The following TASP1 variants were observed in gnomAD, a reference collection of about 807,000 sequenced individuals.
The protein encoded by TASP1 is taspase 1.
TASP1 carries 16 observed loss-of-function variants against 56.6 expected under a neutral mutation model. The ratio of observed to expected loss-of-function variants is 0.28; its 90% CI spans 0.19 to 0.43. TASP1 has a LOEUF of 0.43. Among genes scored for constraint, TASP1 ranks in the 20% least tolerant of loss-of-function variants. The pLI, the probability that TASP1 is intolerant of heterozygous loss-of-function variation, is 1.00. For synonymous variants in TASP1, 179 were observed against 184.2 expected (o/e 0.97, Z 0.23); for missense variants, 393 against 511.6 (o/e 0.77, Z 2.24).
intron 12 of TASP1, 31 bp downstream of exon 12, chr20:13,435,013 A>G: frequency 3.4e-6 from 5 of 1,472,028 alleles, no homozygotes; most frequent in Non-Finnish European, 4.6e-6. Flanking sequence ...AAAAAATAGA[A>G]AGACACACAC....
chr20:13,372,428 A>T, the TASP1 span, among the ~76,000 whole-genome samples: 2 of 152,086 alleles, frequency 1.3e-5, no homozygotes, highest in Non-Finnish European at 2.9e-5. Context: ...CTGCTGGCTC[A>T]CACTACAGAT....
chr20:13,194,543 ATGTGTGTGTGTGTGTG>A, the TASP1 span, among the ~76,000 whole-genome samples: 139 of 142,398 alleles, frequency 9.8e-4, no homozygotes, highest in African/African-American at 3.0e-3. Flanking sequence ...TCACCAAGAA[ATGTGTGTGTGTGTGTG>A]TGTGTGTGTG....
intron 4 of TASP1, among the ~76,000 whole-genome samples, chr20:13,607,386 T>A (rs2048195374): frequency 6.6e-6 from 1 of 152,224 alleles, no homozygotes; most frequent in Non-Finnish European, 1.5e-5. Flanking sequence ...ACCCATTTAA[T>A]GTCCTTTGCT....
At chr20:13,304,498 G>A in the TASP1 span, among the ~76,000 whole-genome samples, 1 of 152,276 alleles carries the variant, frequency 6.6e-6, no homozygotes, top group African/African-American at 2.4e-5. Context: ...GCTGTCCCAA[G>A]CATCCCCTCA....
At chr20:13,591,910 G>A (rs1286358479) in intron 4 of TASP1, among the ~76,000 whole-genome samples, 1 of 152,040 alleles carries the variant, frequency 6.6e-6, no homozygotes, top group African/African-American at 2.4e-5. Flanking sequence ...ATCCAAAAGT[G>A]TATTTTGCAA....
chr20:13,615,404 A>G (rs2048486247), intron 4 of TASP1, among the ~76,000 whole-genome samples: 2 of 152,050 alleles, frequency 1.3e-5, no homozygotes, highest in South Asian at 4.2e-4. Flanking sequence ...TGATTTCTAT[A>G]GTGAGGTACA....
At chr20:13,524,745 T>G (rs567113504) in intron 10 of TASP1, among the ~76,000 whole-genome samples, 1 of 152,188 alleles carries the variant, frequency 6.6e-6, no homozygotes, top group South Asian at 2.1e-4. Context: ...CATCCTCCCA[T>G]GTAATCCTCC....
At chr20:13,432,433 T>A (rs1310595666) in intron 12 of TASP1, among the ~76,000 whole-genome samples, 3 of 152,342 alleles carry the variant, frequency 2.0e-5, no homozygotes, top group Non-Finnish European at 4.4e-5. Context: ...CTTTGATTCC[T>A]GTCCTTCTAT....
Position 13,629,784 on chromosome 20 carries a change from CT to C in TASP1, c.145+149del, listed in dbSNP as rs2049021026. ...TGGGGAGTAAAGAGGGAGGTCCTCA[CT>C]ATATCCAAGTCAAACAATCGCTTTG... On this transcript the variant is annotated intron_variant, in intron 2 of 13. Transcript: ENST00000337743. 3.4e-6 allele frequency: 4 copies of C among 1,177,008 alleles called. No individual in the cohort carries two copies. The African/African-American group carries it at 6.2e-5, about 18-fold the overall frequency. The allele number at this position is 1,177,008 out of a possible 1,614,324, so 72.9% of individuals were successfully genotyped here.
intron 7 of TASP1, 25 bp downstream of exon 7, chr20:13,569,482 T>A: frequency 3.8e-6 from 6 of 1,596,136 alleles, no homozygotes; most frequent in Non-Finnish European, 5.1e-6. Context: ...TCATATAGCT[T>A]AATTTTTTTT....
At chr20:13,526,493 T>A (rs753828303) in intron 10 of TASP1, among the ~76,000 whole-genome samples, 1 of 152,216 alleles carries the variant, frequency 6.6e-6, no homozygotes, top group African/African-American at 2.4e-5. Flanking sequence ...AAGGTTTTCA[T>A]GTGCCACCAA....
chr20:13,620,267 C>CACACACACAT (rs2048662682), intron 4 of TASP1, among the ~76,000 whole-genome samples: 1 of 126,870 alleles, frequency 7.9e-6, no homozygotes, highest in Non-Finnish European at 1.8e-5. Context: ...GTGGTATTTA[C>CACACACACAT]ACACACACAC....
intron 10 of TASP1, among the ~76,000 whole-genome samples, chr20:13,483,974 C>A (rs938798949): frequency 6.6e-6 from 1 of 151,892 alleles, no homozygotes; most frequent in Non-Finnish European, 1.5e-5. Context: ...AAAAAACAAA[C>A]AACCCCATCA....
chr20:13,318,577 A>C, the TASP1 span, among the ~76,000 whole-genome samples: 3 of 152,260 alleles, frequency 2.0e-5, no homozygotes, highest in Non-Finnish European at 4.4e-5. Flanking sequence ...CAAAACTTGG[A>C]ATCAGCCAAG....
intron 13 of TASP1, among the ~76,000 whole-genome samples, chr20:13,391,701 C>T (rs2041286515): frequency 6.6e-6 from 1 of 152,118 alleles, no homozygotes; most frequent in African/African-American, 2.4e-5. Flanking sequence ...GGCGTGGTGG[C>T]TCACGCTTGT....
In TASP1 at chr20:13,389,923, C is replaced by G. The variant is rs967572448; in HGVS notation, c.*437G>C. 4.3e-5 allele frequency: 7 copies of G among 163,718 alleles called. No individual in the cohort carries two copies. The highest frequency in any genetic ancestry group is 1.7e-4 in the African/African-American group (7 of 41,584). The allele number at this position is 163,718 out of a possible 1,614,324, so 10.1% of individuals were successfully genotyped here. Reference sequence around the variant, plus strand: ...CACTACCACTGTCAAGTCATTTAAACAAGTAGATTTACTCTTCAGTTCTGA... The same window carrying G: ...CACTACCACTGTCAAGTCATTTAAAGAAGTAGATTTACTCTTCAGTTCTGA... On this transcript the variant is annotated 3_prime_UTR_variant, in exon 14 of 14. Coordinates refer to ENST00000337743, the MANE Select transcript of TASP1 (RefSeq NM_017714.3).
At chr20:13,142,508 T>C in the TASP1 span, among the ~76,000 whole-genome samples, 1 of 152,180 alleles carries the variant, frequency 6.6e-6, no homozygotes, top group Non-Finnish European at 1.5e-5. Flanking sequence ...ATTAGGCAGG[T>C]GGATTTGTGC....
At chr20:13,561,374 A>G (rs2046337752) in intron 7 of TASP1, among the ~76,000 whole-genome samples, 1 of 151,940 alleles carries the variant, frequency 6.6e-6, no homozygotes, top group South Asian at 2.1e-4. Context: ...TATTTTATTT[A>G]TTTATTTTTG....
chr20:13,365,818 C>T, the TASP1 span, among the ~76,000 whole-genome samples: 2 of 152,034 alleles, frequency 1.3e-5, no homozygotes, highest in East Asian at 1.9e-4. Context: ...ATGTGTCTTA[C>T]GAAGTCTGGC....
Sources: gnomAD v4.1 joint callset for allele counts (sites outside exome capture counted in the v4.1 genomes callset) on GRCh38, gnomAD v4.1.1 for gene constraint, MANE v1.5 for transcripts, NCBI Gene and HGNC (gene_info 2026-07-23, HGNC 2026-07-21) for gene names.